Variants in TCF12 observed in about 807,000 individuals in gnomAD.
The protein encoded by TCF12 is transcription factor 12.
TCF12 carries 45 observed loss-of-function variants against 86.0 expected under a neutral mutation model. That is an observed-to-expected ratio of 0.52 (90% CI 0.41 to 0.67). The LOEUF (loss-of-function observed/expected upper bound fraction) is 0.67. TCF12 is among the 30% of genes least tolerant of loss of function. TCF12 has a pLI of 0.00. For synonymous variants in TCF12, 330 were observed against 299.6 expected (o/e 1.10, Z -1.05); for missense variants, 881 against 859.9 (o/e 1.02, Z -0.31).
chr15:57,183,418 A>C (rs1165995824), intron 6 of TCF12, among the ~76,000 whole-genome samples: 1 of 151,996 alleles, frequency 6.6e-6, no homozygotes, highest in African/African-American at 2.4e-5. Context: ...AATCTGTCAC[A>C]CCCTCTTTGG....
chr15:57,234,565 A>G (rs1279386761), intron 12 of TCF12, among the ~76,000 whole-genome samples: 1 of 152,226 alleles, frequency 6.6e-6, no homozygotes, highest in Non-Finnish European at 1.5e-5. Flanking sequence ...CTCCCCAAAA[A>G]AGCCAGATTC....
intron 3 of TCF12, among the ~76,000 whole-genome samples, chr15:57,062,250 C>T (rs1457001790): frequency 6.6e-6 from 1 of 152,038 alleles, no homozygotes; most frequent in African/African-American, 2.4e-5. Flanking sequence ...GCCACGGTGC[C>T]CGGCCGGTAA....
intron 5 of TCF12, among the ~76,000 whole-genome samples, chr15:57,159,047 A>G (rs1434357672): frequency 6.6e-6 from 1 of 152,222 alleles, no homozygotes; most frequent in African/African-American, 2.4e-5. Context: ...TTTTCTGTAC[A>G]TTTGAGCAGA....
At chr15:56,932,069 A>G (rs2060270625) in intron 3 of TCF12, among the ~76,000 whole-genome samples, 1 of 152,174 alleles carries the variant, frequency 6.6e-6, no homozygotes, top group South Asian at 2.1e-4. Flanking sequence ...CAGTGCCTGT[A>G]GCGAGCAGAC....
chr15:57,133,364 A>G (rs2052284237), intron 5 of TCF12, among the ~76,000 whole-genome samples: 1 of 152,204 alleles, frequency 6.6e-6, no homozygotes, highest in Non-Finnish European at 1.5e-5. Context: ...TTTCAGTAGA[A>G]GGTTATTAGA....
chr15:57,137,669 A>G (rs1405912284), intron 5 of TCF12, among the ~76,000 whole-genome samples: 3 of 152,126 alleles, frequency 2.0e-5, no homozygotes, highest in East Asian at 1.9e-4. Context: ...TAATTTGCAA[A>G]TGTTTTGTTT....
intron 5 of TCF12, among the ~76,000 whole-genome samples, chr15:57,127,682 T>C (rs1417341931): frequency 6.6e-6 from 1 of 152,158 alleles, no homozygotes; most frequent in Non-Finnish European, 1.5e-5. Flanking sequence ...TAATTCAAAT[T>C]AGTCACTCCC....
chr15:57,078,943 C>T (rs1240651590), intron 4 of TCF12, among the ~76,000 whole-genome samples: 1 of 152,154 alleles, frequency 6.6e-6, no homozygotes, highest in East Asian at 1.9e-4. Context: ...AAAGGTAATG[C>T]TGTGACCTTT....
intron 3 of TCF12, among the ~76,000 whole-genome samples, chr15:56,985,768 A>G (rs1463635266): frequency 2.0e-5 from 3 of 152,184 alleles, no homozygotes; most frequent in Admixed American, 2.0e-4. Context: ...GCCTATTACA[A>G]TAACGTGTTT....
At chr15:57,029,491 T>A (rs867511978) in intron 3 of TCF12, among the ~76,000 whole-genome samples, 18 of 152,358 alleles carry the variant, frequency 1.2e-4, no homozygotes, top group Middle Eastern at 6.8e-3. Flanking sequence ...TTATTTGTTT[T>A]ATTTTTTACT....
intron 10 of TCF12, 58 bp from the exon 11 acceptor site, chr15:57,232,654 T>A (rs1266844625): frequency 6.4e-7 from 1 of 1,550,996 alleles, no homozygotes; most frequent in Non-Finnish European, 8.7e-7. Flanking sequence ...TAGTTGTCCA[T>A]TTTATGTGAA....
chr15:57,272,569 A>C (rs1266187239), intron 18 of TCF12, among the ~76,000 whole-genome samples: 3 of 152,272 alleles, frequency 2.0e-5, no homozygotes, highest in Admixed American at 2.0e-4. Context: ...TTAAACTGTA[A>C]TGTGTATATC....
chr15:57,147,600 ATAAAGGTGCAGT>A (rs760536464), intron 5 of TCF12, among the ~76,000 whole-genome samples: 9 of 152,206 alleles, frequency 5.9e-5, no homozygotes, highest in Non-Finnish European at 1.3e-4. Flanking sequence ...TAAAAAACCT[ATAAAGGTGCAGT>A]TAAATCCTTG....
chr15:57,175,480 G>T lies in TCF12; in HGVS notation c.390+9014G>T, dbSNP rs79453610. ...TTCCAGTCCCTTCTAGACTTATGTT[G>T]TATGGTAATGTCAAGAACAAGATCA... On this transcript the variant is annotated intron_variant, in intron 6 of 20. Transcript: ENST00000333725. 2.8e-3 allele frequency among the ~76,000 whole-genome samples: 427 copies of T among 152,296 alleles called. 20 individuals carry two copies. In the East Asian group the frequency reaches 0.072, roughly 26 times the overall value.
intron 3 of TCF12, among the ~76,000 whole-genome samples, chr15:56,971,683 T>C (rs1420111951): frequency 1.3e-5 from 2 of 152,228 alleles, no homozygotes; most frequent in Non-Finnish European, 2.9e-5. Context: ...ACTCAGACGC[T>C]ACTAAGAATG....
chr15:56,960,417 G>A (rs1048232130), intron 3 of TCF12, among the ~76,000 whole-genome samples: 2 of 147,544 alleles, frequency 1.4e-5, no homozygotes, highest in African/African-American at 5.0e-5. Flanking sequence ...TTGACCCAAG[G>A]CTACTGTATT....
At chr15:57,228,082 G>A (rs1257656572) in intron 8 of TCF12, among the ~76,000 whole-genome samples, 2 of 151,988 alleles carry the variant, frequency 1.3e-5, no homozygotes, top group Admixed American at 6.6e-5. Context: ...TTTGTGGCCA[G>A]TACTGATTGT....
At chr15:57,032,124 C>A (rs151030554) in intron 3 of TCF12, among the ~76,000 whole-genome samples, 2,513 of 152,166 alleles carry the variant, frequency 0.017, 37 homozygotes, top group Non-Finnish European at 0.023. Context: ...GGGAAAGAGA[C>A]CTCGTGAAGT....
chr15:57,155,688 G>C (rs1460867852), intron 5 of TCF12, among the ~76,000 whole-genome samples: 1 of 152,076 alleles, frequency 6.6e-6, no homozygotes, highest in African/African-American at 2.4e-5. Context: ...CTAGCTACTT[G>C]GAAGGCTGAA....
Sources: gnomAD v4.1 joint callset for allele counts (sites outside exome capture counted in the v4.1 genomes callset) on GRCh38, gnomAD v4.1.1 for gene constraint, MANE v1.5 for transcripts, NCBI Gene and HGNC (gene_info 2026-07-23, HGNC 2026-07-21) for gene names.